CNTNAP2: variants seen among roughly 807,000 people sequenced by gnomAD.
CNTNAP2 encodes contactin associated protein 2.
In CNTNAP2, 98 loss-of-function variants were observed where a neutral mutation model predicts 155.2. The ratio of observed to expected loss-of-function variants is 0.63; its 90% CI spans 0.54 to 0.75. The LOEUF (loss-of-function observed/expected upper bound fraction) is 0.75, where lower values mean the gene tolerates loss of function less well. CNTNAP2 is among the 30% of genes least tolerant of loss of function. CNTNAP2 has a pLI of 0.00. For missense variants in CNTNAP2, 1,727 were observed against 1,688.1 expected (o/e 1.02, Z -0.40); for synonymous variants, 651 against 631.2 (o/e 1.03, Z -0.47).
intron 1 of CNTNAP2, among the ~76,000 whole-genome samples, chr7:146,575,272 A>G: frequency 6.6e-6 from 1 of 151,990 alleles, no homozygotes; most frequent in African/African-American, 2.4e-5. Context: ...GTGCACCACC[A>G]CGCCCGGCTA....
At chr7:148,413,341 C>T (rs1350175364) in intron 23 of CNTNAP2, among the ~76,000 whole-genome samples, 9 of 139,356 alleles carry the variant, frequency 6.5e-5, no homozygotes, top group African/African-American at 2.4e-4. Flanking sequence ...ACAGTAAGCC[C>T]AGATCGTGCC....
intron 1 of CNTNAP2, among the ~76,000 whole-genome samples, chr7:146,724,836 T>C (rs1801403236): frequency 6.6e-6 from 1 of 152,166 alleles, no homozygotes; most frequent in Admixed American, 6.5e-5. Flanking sequence ...CCCAAAGTGG[T>C]GGGATTACAG....
Position 146,747,652 on chromosome 7 carries a change from AT to A in CNTNAP2, c.98-26616del, listed in dbSNP as rs146669724. Among the ~76,000 whole-genome samples, 1,151 of 152,274 alleles carry A rather than the reference AT, an allele frequency of 7.6e-3. 22 individuals carry two copies. Among genetic ancestry groups the A allele is most frequent in the African/African-American group, 0.024 (1,006 of 41,550 alleles). Reference sequence around the variant, plus strand: ...AGATCAAAGTAACCCATTAAACTCTATTTATGGTACTTAAAACATTAGTTAG... The same window carrying A: ...AGATCAAAGTAACCCATTAAACTCTATTATGGTACTTAAAACATTAGTTAG... On this transcript the variant is annotated intron_variant, in intron 1 of 23. Transcript: ENST00000361727.
intron 21 of CNTNAP2, among the ~76,000 whole-genome samples, chr7:148,303,997 T>G (rs1449766762): frequency 1.3e-5 from 2 of 152,224 alleles, no homozygotes; most frequent in African/African-American, 2.4e-5. Context: ...GCGAACTCTT[T>G]GAAGTTGTGG....
chr7:148,049,391 A>G (rs1269128814), intron 15 of CNTNAP2, among the ~76,000 whole-genome samples: 1 of 152,218 alleles, frequency 6.6e-6, no homozygotes, highest in Non-Finnish European at 1.5e-5. Context: ...TTATATATGT[A>G]TAGAAAGAAT....
chr7:147,156,816 A>G (rs1483789606), intron 8 of CNTNAP2, among the ~76,000 whole-genome samples: 1 of 152,090 alleles, frequency 6.6e-6, no homozygotes. Context: ...AAATGAAAGT[A>G]ATTATGGCAT....
rs10238241 is a variant in CNTNAP2, at chr7:148,047,010, A to G, written c.2383+69021A>G. Among the ~76,000 whole-genome samples the G allele has an allele frequency of 8.0e-3, 1,219 of 152,296 alleles. 16 individuals are homozygous for G. The highest frequency in any genetic ancestry group is 0.026 in the African/African-American group (1,064 of 41,568). On this transcript the variant is annotated intron_variant, in intron 15 of 23. Coordinates refer to ENST00000361727, the MANE Select transcript of CNTNAP2 (RefSeq NM_014141.6). Reference sequence around the variant, plus strand: ...AGCTGTTAACCATGGCACTTGGTGAATTGGGAATAGACTTAAATGATGCTT... The same window carrying G: ...AGCTGTTAACCATGGCACTTGGTGAGTTGGGAATAGACTTAAATGATGCTT...
intron 2 of CNTNAP2, among the ~76,000 whole-genome samples, chr7:146,798,870 A>T (rs1175520961): frequency 6.6e-6 from 1 of 152,202 alleles, no homozygotes; most frequent in Non-Finnish European, 1.5e-5. Context: ...AGTCCTAGAA[A>T]GCCTCCAACC....
chr7:146,119,755 A>C (rs1165157552), intron 1 of CNTNAP2, among the ~76,000 whole-genome samples: 4 of 152,158 alleles, frequency 2.6e-5, no homozygotes, highest in Non-Finnish European at 5.9e-5. Flanking sequence ...TACATCATTT[A>C]GTAGAACTAT....
chr7:147,905,200 T>G, intron 14 of CNTNAP2, among the ~76,000 whole-genome samples: 1 of 152,292 alleles, frequency 6.6e-6, no homozygotes, highest in Non-Finnish European at 1.5e-5. Flanking sequence ...CAGGCAGACC[T>G]TCTCCCATCC....
At chr7:146,910,290 A>G (rs1796243153) in intron 3 of CNTNAP2, among the ~76,000 whole-genome samples, 2 of 149,982 alleles carry the variant, frequency 1.3e-5, no homozygotes, top group Non-Finnish European at 2.9e-5. Context: ...TCTTCACAGA[A>G]TTGGAAAAAG....
At chr7:146,299,419 G>A (rs1558577) in intron 1 of CNTNAP2, among the ~76,000 whole-genome samples, 25 of 152,072 alleles carry the variant, frequency 1.6e-4, no homozygotes, top group Middle Eastern at 3.4e-3. Flanking sequence ...ATTTATTTTA[G>A]AGTTGGAGTC....
chr7:147,489,363 G>A (rs1256081434), intron 11 of CNTNAP2, among the ~76,000 whole-genome samples: 1 of 152,188 alleles, frequency 6.6e-6, no homozygotes, highest in Non-Finnish European at 1.5e-5. Flanking sequence ...ACAGGAAAGG[G>A]AAAGCCAGTT....
At chr7:147,371,722 T>A (rs1360160568) in intron 9 of CNTNAP2, among the ~76,000 whole-genome samples, 1 of 152,190 alleles carries the variant, frequency 6.6e-6, no homozygotes, top group Non-Finnish European at 1.5e-5. Flanking sequence ...AATAGAGGGC[T>A]CATTTGTTCC....
At chr7:147,603,803 G>A (rs1431345467) in intron 12 of CNTNAP2, among the ~76,000 whole-genome samples, 9 of 152,158 alleles carry the variant, frequency 5.9e-5, no homozygotes, top group African/African-American at 1.2e-4. Context: ...GAGGCATCAT[G>A]CTACCTGACT....
At chr7:146,224,064 TCATG>T (rs1031922590) in intron 1 of CNTNAP2, among the ~76,000 whole-genome samples, 62 of 152,326 alleles carry the variant, frequency 4.1e-4, no homozygotes, top group African/African-American at 1.5e-3. Context: ...AGAATTTTAT[TCATG>T]CTTTTATATG....
intron 20 of CNTNAP2, among the ~76,000 whole-genome samples, chr7:148,241,030 T>C (rs1376134865): frequency 6.6e-6 from 1 of 152,180 alleles, no homozygotes. Context: ...GGCAACACCC[T>C]CACAGACACA....
intron 13 of CNTNAP2, among the ~76,000 whole-genome samples, chr7:147,851,487 G>A (rs1287761176): frequency 6.6e-6 from 1 of 152,068 alleles, no homozygotes; most frequent in Non-Finnish European, 1.5e-5. Context: ...GTTTATTGCA[G>A]CACTATTCAC....
At chr7:146,774,530 A>G (rs1422974913) in intron 2 of CNTNAP2, 149 bp downstream of exon 2, 3 of 645,300 alleles carry the variant, frequency 4.6e-6, no homozygotes, top group South Asian at 3.5e-5. Context: ...CATAGATGCC[A>G]TTAACCTCTC....
Sources: gnomAD v4.1 joint callset for allele counts (sites outside exome capture counted in the v4.1 genomes callset) on GRCh38, gnomAD v4.1.1 for gene constraint, MANE v1.5 for transcripts, NCBI Gene and HGNC (gene_info 2026-07-23, HGNC 2026-07-21) for gene names.